QTMAN: variants seen among roughly 807,000 people sequenced by gnomAD.
QTMAN encodes queuosine-tRNA mannosyltransferase, also known as tRNA-queuosine alpha-mannosyltransferase.
At chr2:144,275,287 G>A in the QTMAN span, among the ~76,000 whole-genome samples, 1 of 151,988 alleles carries the variant, frequency 6.6e-6, no homozygotes, top group African/African-American at 2.4e-5. Flanking sequence ...GGGAGGCTGA[G>A]GCAGGGGAAT....
the QTMAN span, among the ~76,000 whole-genome samples, chr2:143,971,508 A>T: frequency 6.6e-6 from 1 of 152,114 alleles, no homozygotes; most frequent in Non-Finnish European, 1.5e-5. Context: ...TAAATGATAG[A>T]ATGAGAGGCT....
At chr2:144,053,090 C>A in the QTMAN span, among the ~76,000 whole-genome samples, 3 of 152,168 alleles carry the variant, frequency 2.0e-5, no homozygotes, top group Non-Finnish European at 1.5e-5. Flanking sequence ...TCAGTGTTTT[C>A]ATGACCAATT....
chr2:144,019,484 A>G, the QTMAN span, among the ~76,000 whole-genome samples: 9,955 of 63,558 alleles, frequency 0.16, 556 homozygotes, highest in East Asian at 0.34. Flanking sequence ...GTGTGTGTGT[A>G]TGTAGTTTTA....
the QTMAN span, among the ~76,000 whole-genome samples, chr2:144,272,513 C>T: frequency 0.027 from 4,060 of 152,140 alleles, 172 homozygotes; most frequent in African/African-American, 0.093. Context: ...AAAAGACAGA[C>T]CAGCACCCTC....
chr2:144,060,109 G>T, the QTMAN span, among the ~76,000 whole-genome samples: 1 of 151,788 alleles, frequency 6.6e-6, no homozygotes, highest in Non-Finnish European at 1.5e-5. Context: ...TTCTAGGAAA[G>T]AATCCCATCA....
At chr2:144,169,800 C>T in the QTMAN span, among the ~76,000 whole-genome samples, 4 of 152,030 alleles carry the variant, frequency 2.6e-5, no homozygotes, top group Non-Finnish European at 4.4e-5. Flanking sequence ...GCCCATTACA[C>T]TATATCAAAT....
At chr2:144,205,046 C>T in the QTMAN span, among the ~76,000 whole-genome samples, 82 of 151,794 alleles carry the variant, frequency 5.4e-4, 1 homozygote, top group East Asian at 0.015. Flanking sequence ...TAATGTTAAA[C>T]GACGAGTTAA....
chr2:144,218,852 A>G, the QTMAN span, among the ~76,000 whole-genome samples: 3 of 151,572 alleles, frequency 2.0e-5, no homozygotes, highest in Admixed American at 1.3e-4. Context: ...AGTCACTTCT[A>G]ATGAAAAATG....
At chr2:144,217,016 A>T in the QTMAN span, among the ~76,000 whole-genome samples, 391 of 152,276 alleles carry the variant, frequency 2.6e-3, 1 homozygote, top group African/African-American at 8.5e-3. Flanking sequence ...TTTTTATAAA[A>T]GTTTGACAAG....
chr2:144,049,363 G>A, the QTMAN span, among the ~76,000 whole-genome samples: 1 of 152,092 alleles, frequency 6.6e-6, no homozygotes, highest in East Asian at 1.9e-4. Flanking sequence ...TGTCAATATT[G>A]TGGCAAGCAG....
chr2:144,223,807 TC>T, the QTMAN span, among the ~76,000 whole-genome samples: 2 of 152,202 alleles, frequency 1.3e-5, no homozygotes, highest in Non-Finnish European at 2.9e-5. Flanking sequence ...GTGTTGAGAA[TC>T]CCAAGATTTA....
At chr2:144,125,890 A>G in the QTMAN span, among the ~76,000 whole-genome samples, 3 of 152,106 alleles carry the variant, frequency 2.0e-5, no homozygotes, top group Non-Finnish European at 4.4e-5. Context: ...TTGAAAATAC[A>G]TCTGCCTTAT....
chr2:144,109,340 A>G, the QTMAN span, among the ~76,000 whole-genome samples: 2 of 152,354 alleles, frequency 1.3e-5, no homozygotes, highest in East Asian at 3.9e-4. Context: ...CTGGCTAGCC[A>G]TATGTAGAAA....
the QTMAN span, among the ~76,000 whole-genome samples, chr2:143,961,036 G>A: frequency 6.2e-3 from 945 of 152,222 alleles, 5 homozygotes; most frequent in Middle Eastern, 0.017. Flanking sequence ...GCTGAAAGAG[G>A]TGACATGGCT....
the QTMAN span, among the ~76,000 whole-genome samples, chr2:143,974,568 A>G: frequency 6.6e-6 from 1 of 152,214 alleles, no homozygotes; most frequent in Non-Finnish European, 1.5e-5. Flanking sequence ...AAAGTAAAAG[A>G]GAGATGACAG....
the QTMAN span, among the ~76,000 whole-genome samples, chr2:144,133,564 TATA>T: frequency 8.5e-6 from 1 of 117,798 alleles, no homozygotes; most frequent in Non-Finnish European, 1.7e-5. Context: ...ATATAAATAT[TATA>T]ATAAAAATAA....
chr2:144,245,975 A>G, the QTMAN span, among the ~76,000 whole-genome samples: 6 of 152,130 alleles, frequency 3.9e-5, no homozygotes, highest in Non-Finnish European at 8.8e-5. Flanking sequence ...TCTTCCTGGT[A>G]TCCATTCTGC....
chr2:144,155,643 C>T, the QTMAN span, among the ~76,000 whole-genome samples: 2 of 151,978 alleles, frequency 1.3e-5, no homozygotes, highest in Admixed American at 6.6e-5. Context: ...CACTGCAATC[C>T]GACCCTATCA....
chr2:144,304,351 G>A, the QTMAN span, among the ~76,000 whole-genome samples: 11 of 152,204 alleles, frequency 7.2e-5, no homozygotes, highest in Non-Finnish European at 1.5e-4. Flanking sequence ...GATTCACAAA[G>A]AACGTAAACT....
Sources: gnomAD v4.1 joint callset for allele counts (sites outside exome capture counted in the v4.1 genomes callset) on GRCh38, gnomAD v4.1.1 for gene constraint, MANE v1.5 for transcripts, NCBI Gene and HGNC (gene_info 2026-07-23, HGNC 2026-07-21) for gene names.